Variants in MGAM2 observed in about 807,000 individuals in gnomAD.
MGAM2 encodes probable maltase-glucoamylase 2.
MGAM2 carries 98 observed loss-of-function variants against 96.1 expected under a neutral mutation model. The ratio of observed to expected loss-of-function variants is 1.02; its 90% CI spans 0.87 to 1.21. The LOEUF is 1.21. Ranked by LOEUF, MGAM2 falls within the 50% of genes most tolerant of loss-of-function variation. The pLI is 0.00. For missense variants in MGAM2, 2,055 were observed against 1,182.4 expected, an observed-to-expected ratio of 1.74 and a Z score of -10.82; for synonymous variants, 749 against 414.8, an observed-to-expected ratio of 1.81 and a Z score of -9.79.
At chr7:142,128,508 A>G (rs6969210) in intron 3 of MGAM2, among the ~76,000 whole-genome samples, 63,503 of 152,076 alleles carry the variant, frequency 0.42, 13,828 homozygotes, top group African/African-American at 0.55. Flanking sequence ...CAGGCCAGGA[A>G]GCCTCGGACA....
intron 35 of MGAM2, 105 bp from the exon 36 acceptor site, chr7:142,187,645 C>T: frequency 1.6e-6 from 1 of 617,752 alleles, no homozygotes; most frequent in Non-Finnish European, 2.9e-6. Flanking sequence ...AAACCACCAG[C>T]TGAGCTGAGG....
intron 31 of MGAM2, among the ~76,000 whole-genome samples, chr7:142,174,715 C>CTCTCTTTT (rs1194981898): frequency 3.5e-5 from 3 of 85,460 alleles, no homozygotes; most frequent in African/African-American, 1.7e-4. Context: ...CTCTCTCTCT[C>CTCTCTTTT]TTTTTTTTTT....
chr7:142,204,473 G>A (rs1453024297), intron 45 of MGAM2, among the ~76,000 whole-genome samples: 2 of 151,924 alleles, frequency 1.3e-5, no homozygotes, highest in African/African-American at 2.4e-5. Flanking sequence ...CTCTAGGAGA[G>A]GCATGTGGTA....
At chr7:142,219,123 A>C (rs986404242) in intron 47 of MGAM2, among the ~76,000 whole-genome samples, 3 of 152,228 alleles carry the variant, frequency 2.0e-5, no homozygotes, top group African/African-American at 7.2e-5. Context: ...ATGAAATACC[A>C]ATAGTTACCA....
intron 37 of MGAM2, among the ~76,000 whole-genome samples, chr7:142,192,610 G>A (rs879399369): frequency 2.0e-5 from 3 of 152,040 alleles, no homozygotes; most frequent in Non-Finnish European, 4.4e-5. Flanking sequence ...GGGCTTTCAG[G>A]GCAAAGAAAG....
rs771701480 is a variant in MGAM2 at position 142,189,473 on chromosome 7, G to C, written c.4314G>C (p.Leu1438=). The part of the protein sequence containing the change: ...SPVEHYNVHN[L]YGWSQTRPTY... ...TGGAGCACTACAACGTGCACAACCT[G>C]TACGGGTGGTCCCAGACCAGACCCA... The change falls in exon 37 of 48, where the codon CTG becomes CTC. Residue 1438 remains leucine (L), a synonymous_variant. Coordinates refer to ENST00000477922, the MANE Select transcript of MGAM2 (RefSeq NM_001293626.2). The C allele has an allele frequency of 5.8e-6, 5 of 864,096 alleles. No homozygotes were observed. The highest frequency in any genetic ancestry group is 9.6e-6 in the Non-Finnish European group (5 of 521,294). 53.5% of individuals were successfully genotyped at this position (864,096 alleles called of 1,614,324 possible). A position where few individuals can be genotyped will look rare whatever the true frequency, so the allele number is the denominator to read the frequency against.
At chr7:142,181,371 T>G (rs1041468943) in intron 32 of MGAM2, among the ~76,000 whole-genome samples, 9 of 152,172 alleles carry the variant, frequency 5.9e-5, no homozygotes, top group African/African-American at 2.2e-4. Flanking sequence ...GGCACCCTTT[T>G]TGTTTGGTGG....
In MGAM2 at chr7:142,220,567, C is replaced by G. The variant is rs1438120401; in HGVS notation, c.6056C>G (p.Pro2019Arg). The change falls in exon 48 of 48, where the codon CCT becomes CGT. Residue 2019 changes from proline (P) to arginine (R), a missense_variant. Physicochemically the swap from Pro to Arg is moderately radical, Grantham distance 103 (BLOSUM62 -2). Coordinates refer to ENST00000477922, the MANE Select transcript of MGAM2 (RefSeq NM_001293626.2). ...GCTAGCACTAATGCTACCCCTGTTC[C>G]TATCACAACCACACTTTTTGCAACA... Reference protein sequence around the residue: ...TSASTNATPVPITTTLFATST... With the variant: ...TSASTNATPVRITTTLFATST... 2.9e-6 allele frequency: 2 copies of G among 698,026 alleles called. No individual in the cohort carries two copies. Among genetic ancestry groups the G allele is most frequent in the Non-Finnish European group, 5.2e-6 (2 of 384,482 alleles). The allele number at this position is 698,026 out of a possible 1,614,324, so 43.2% of individuals were successfully genotyped here. A position where few individuals can be genotyped will look rare whatever the true frequency, so the allele number is the denominator to read the frequency against.
At chr7:142,187,579 A>G (rs550868351) in intron 35 of MGAM2, among the ~76,000 whole-genome samples, 171 bp from the exon 36 acceptor site, 1 of 152,306 alleles carries the variant, frequency 6.6e-6, no homozygotes, top group Admixed American at 6.5e-5. Context: ...CAGGGATTAC[A>G]CTACACATTT....
chr7:142,149,191 T>C (rs562179791), intron 15 of MGAM2, among the ~76,000 whole-genome samples: 3 of 151,374 alleles, frequency 2.0e-5, no homozygotes, highest in Non-Finnish European at 4.4e-5. Flanking sequence ...ATCACGCTAT[T>C]GCACTCCAGC....
At chr7:142,125,387 G>A (rs149979858) in intron 3 of MGAM2, among the ~76,000 whole-genome samples, 1,925 of 152,196 alleles carry the variant, frequency 0.013, 63 homozygotes, top group Admixed American at 0.06. Context: ...TTACTTAAAT[G>A]TTTATTGCTT....
chr7:142,208,693 C>T (rs545832631), intron 46 of MGAM2, 71 bp downstream of exon 46: 63 of 674,826 alleles, frequency 9.3e-5, no homozygotes, highest in Non-Finnish European at 1.4e-4. Context: ...CAGTTAACTG[C>T]GTAAATGTAA....
intron 46 of MGAM2, among the ~76,000 whole-genome samples, chr7:142,213,150 C>T (rs1204716390): frequency 6.6e-6 from 1 of 152,060 alleles, no homozygotes; most frequent in Non-Finnish European, 1.5e-5. Context: ...AACAAAGACA[C>T]AACATATCAA....
chr7:142,129,598 GT>G, intron 3 of MGAM2, among the ~76,000 whole-genome samples: 1 of 151,970 alleles, frequency 6.6e-6, no homozygotes, highest in East Asian at 1.9e-4. Context: ...GCTGAGGTGG[GT>G]GGATCACCTG....
At chr7:142,136,128 G>A (rs1345975549) in intron 7 of MGAM2, among the ~76,000 whole-genome samples, 2 of 152,070 alleles carry the variant, frequency 1.3e-5, no homozygotes, top group African/African-American at 4.8e-5. Flanking sequence ...GATCCCTTCT[G>A]CCCTTTGAGA....
In MGAM2 at chr7:142,175,714, C is replaced by A; in HGVS notation, c.3750C>A (p.Asn1250Lys). The A allele has an allele frequency of 1.4e-6, 1 of 702,872 alleles. No individual in the cohort carries two copies. The highest frequency in any genetic ancestry group is 2.6e-6 in the Non-Finnish European group (1 of 384,986). The allele number at this position is 702,872 out of a possible 1,614,324, so 43.5% of individuals were successfully genotyped here. The change falls in exon 32 of 48, where the codon AAC (asparagine) becomes AAA (lysine). Residue 1250 changes from asparagine (N) to lysine (K), a missense_variant. By Grantham distance (94) the Asn-to-Lys change is moderately conservative. Transcript: ENST00000477922. ...NRKLDFTLSA[N>K]FQNLSLLIEQ... ...AGCTGGATTTCACCCTCAGTGCCAACTTTCAAAACCTCAGTCTTCTGATTG... is the reference window on the plus strand; with the variant it reads ...AGCTGGATTTCACCCTCAGTGCCAAATTTCAAAACCTCAGTCTTCTGATTG...
Position 142,175,800 on chromosome 7 carries a change from A to G in MGAM2, c.3816+20A>G. The G allele has an allele frequency of 1.4e-6, 1 of 699,222 alleles. No homozygotes were observed. Among genetic ancestry groups the G allele is most frequent in the Middle Eastern group, 2.3e-4 (1 of 4,260 alleles). The allele number at this position is 699,222 out of a possible 1,614,324, so 43.3% of individuals were successfully genotyped here. On this transcript the variant is annotated intron_variant, in intron 32 of 47. Transcript: ENST00000477922. ...ATTTTGGTATGTATTGAGACAGATC[A>G]GATCCTACTTTCTGTTTCCATATTC...
chr7:142,170,325 A>G (rs1796150465), intron 27 of MGAM2, 96 bp downstream of exon 27: 4 of 559,202 alleles, frequency 7.2e-6, no homozygotes, highest in Non-Finnish European at 1.3e-5. Flanking sequence ...CAGAGACTCT[A>G]TGGAAATAGG....
intron 15 of MGAM2, 112 bp from the exon 16 acceptor site, chr7:142,153,906 C>T (rs985785809): frequency 4.2e-6 from 2 of 475,770 alleles, no homozygotes; most frequent in Non-Finnish European, 7.6e-6. Flanking sequence ...TTTATGACAC[C>T]CTCATGTTGT....
Sources: allele counts gnomAD v4.1 joint callset (sites outside exome capture counted in the v4.1 genomes callset), GRCh38; gene constraint gnomAD v4.1.1; transcripts MANE v1.5; gene names NCBI Gene and HGNC (gene_info 2026-07-23, HGNC 2026-07-21).